CES1: variants seen among roughly 807,000 people sequenced by gnomAD.
CES1 encodes the protein carboxylesterase 1, also known as liver carboxylesterase 1.
A neutral mutation model predicts 53.0 loss-of-function variants in CES1; 50 were observed. That is an observed-to-expected ratio of 0.94 (90% CI 0.75 to 1.19). The LOEUF (loss-of-function observed/expected upper bound fraction) is 1.19. Among genes scored for constraint, CES1 ranks in the 50% most tolerant of loss-of-function variants. The pLI, the probability that CES1 is intolerant of heterozygous loss-of-function variation, is 0.00. For missense variants in CES1, 534 were observed against 538.0 expected (o/e 0.99, Z 0.07); for synonymous variants, 202 against 210.1 (o/e 0.96, Z 0.33).
intron 1 of CES1, 59 bp downstream of exon 1, chr16:55,832,945 C>T (rs1212850651): frequency 2.7e-5 from 38 of 1,398,100 alleles, no homozygotes; most frequent in Middle Eastern, 1.8e-4. Flanking sequence ...CTGCGCCCAC[C>T]TCGGCCCAGA....
At chr16:55,818,267 G>A (rs1473238851) in intron 7 of CES1, among the ~76,000 whole-genome samples, 1 of 152,204 alleles carries the variant, frequency 6.6e-6, no homozygotes, top group East Asian at 1.9e-4. Context: ...AGACTGCCAT[G>A]GCCATCCAAC....
At chr16:55,829,733 C>T (rs1475428237) in intron 1 of CES1, among the ~76,000 whole-genome samples, 1 of 152,222 alleles carries the variant, frequency 6.6e-6, no homozygotes, top group Non-Finnish European at 1.5e-5. Flanking sequence ...CTTGAGTTTT[C>T]TTTAATGGAC....
In CES1 at chr16:55,832,917, CTT is replaced by C. The variant is rs1390373655; in HGVS notation, c.52+85_52+86del. The C allele has an allele frequency of 4.2e-6, 5 of 1,195,626 alleles. No individual in the cohort carries two copies. The Admixed American group carries it at 6.7e-5, about 16-fold the overall frequency. 74.1% of individuals were successfully genotyped at this position (1,195,626 alleles called of 1,614,324 possible). Reference sequence around the variant, plus strand: ...CGCCGCAGAGCCGGACCTGTTGTGTCTTTGCCTTTCTACGCATCTGCGCCCAC... The same window carrying C: ...CGCCGCAGAGCCGGACCTGTTGTGTCTGCCTTTCTACGCATCTGCGCCCAC... On this transcript the variant is annotated intron_variant, in intron 1 of 13. Transcript: ENST00000360526.
chr16:55,818,206 T>C (rs1460924435), intron 7 of CES1, among the ~76,000 whole-genome samples: 1 of 152,206 alleles, frequency 6.6e-6, no homozygotes, highest in African/African-American at 2.4e-5. Flanking sequence ...CCAATGGCCC[T>C]GGGTGCTGTG....
chr16:55,831,647 G>C (rs377008410), intron 1 of CES1, among the ~76,000 whole-genome samples: 9,344 of 136,164 alleles, frequency 0.069, 58 homozygotes, highest in Middle Eastern at 0.14. Flanking sequence ...GAAATGGATG[G>C]CATTGCCAGG....
chr16:55,828,913 G>C lies in CES1; in HGVS notation c.114C>G (p.Phe38Leu). ...GCTGTGCAAATCCTTCTAAGCTGAC[G>C]AACTTCCCCAGCACTTTGCCATGCA... ...DTVHGKVLGKFVSLEGFAQPV... is the reference protein window; with the variant it reads ...DTVHGKVLGKLVSLEGFAQPV... The change falls in exon 2 of 14, where the codon TTC becomes TTG. Residue 38 changes from phenylalanine (F) to leucine (L), a missense_variant. Physicochemically the swap from Phe to Leu is conservative, Grantham distance 22. Around this residue, in one of 5 missense-constraint regions of CES1, gnomAD observed 164 missense variants for 162.4 expected, o/e 1.01. Transcript: ENST00000360526. 1.2e-6 allele frequency: 2 copies of C among 1,614,032 alleles called. No homozygotes were observed. Among genetic ancestry groups the C allele is most frequent in the African/African-American group, 1.3e-5 (1 of 75,080 alleles).
At chr16:55,829,115 T>C in intron 1 of CES1, 141 bp from the exon 2 acceptor site, 1 of 902,696 alleles carries the variant, frequency 1.1e-6, no homozygotes, top group Non-Finnish European at 1.8e-6. Context: ...TGATGTACAA[T>C]AGGGATGACG....
chr16:55,828,004 A>T (rs1567506964), intron 2 of CES1: 1 of 152,628 alleles, frequency 6.6e-6, no homozygotes, highest in East Asian at 1.9e-4. Flanking sequence ...TATATATTAC[A>T]TTTGCACTCA....
chr16:55,826,358 G>T, intron 2 of CES1, 63 bp from the exon 3 acceptor site: 1 of 1,592,548 alleles, frequency 6.3e-7, no homozygotes, highest in Non-Finnish European at 8.6e-7. Flanking sequence ...GTTTTCTACG[G>T]CAGCGCCTTG....
chr16:55,821,432 C>G lies in CES1; in HGVS notation c.629G>C (p.Gly210Ala). The change falls in exon 5 of 14, where the codon GGA becomes GCA. Residue 210 changes from glycine to alanine, a missense_variant. Gly to Ala is a moderately conservative substitution (Grantham distance 60). This residue lies in a region of CES1 where 85 missense variants were observed against 81.9 expected (regional missense o/e 1.04). Coordinates refer to ENST00000360526, the MANE Select transcript of CES1 (RefSeq NM_001025195.2). ...RWVQDNIASF[G>A]GNPGSVTIFG... ...GATGGTCACAGAGCCTGGGTTCCCT[C>G]CAAAGCTGGCAATGTTGTCCTGGAC... is the stretch of plus-strand genomic sequence containing the variant. 6.2e-7 allele frequency: 1 copy of G among 1,614,212 alleles called. No individual in the cohort carries two copies. The highest frequency in any genetic ancestry group is 8.5e-7 in the Non-Finnish European group (1 of 1,180,042).
intron 3 of CES1, among the ~76,000 whole-genome samples, chr16:55,824,294 G>A (rs1313810145): frequency 6.6e-6 from 1 of 152,290 alleles, no homozygotes; most frequent in Non-Finnish European, 1.5e-5. Flanking sequence ...AACTTAGCAT[G>A]TGCCAGGGAC....
At chr16:55,823,795 C>G (rs1254777917) in intron 3 of CES1, 112 bp from the exon 4 acceptor site, 16 of 1,588,968 alleles carry the variant, frequency 1.0e-5, no homozygotes, top group Non-Finnish European at 1.4e-5. Flanking sequence ...AGGATGCTAT[C>G]CAAAGTTCAC....
rs866607568 is a variant in CES1, at chr16:55,831,614, C to T, written c.52+1390G>A. Among the ~76,000 whole-genome samples the T allele has an allele frequency of 5.3e-5, 8 of 150,034 alleles. No individual in the cohort carries two copies. The South Asian group carries it at 1.7e-3, about 32-fold the overall frequency. ...GAGGAAACTGAGGAAGTGGAGGCAG[C>T]CTGTATGGTCTTCCTAAGGAAGGAA... On this transcript the variant is annotated intron_variant, in intron 1 of 13. Transcript: ENST00000360526.
At chr16:55,824,953 T>A (rs2032358993) in intron 3 of CES1, among the ~76,000 whole-genome samples, 2 of 152,178 alleles carry the variant, frequency 1.3e-5, no homozygotes, top group South Asian at 4.1e-4. Context: ...ACAACTCTAA[T>A]CCCTGCCTGC....
chr16:55,824,900 G>T (rs1236192111), intron 3 of CES1, among the ~76,000 whole-genome samples: 1 of 152,088 alleles, frequency 6.6e-6, no homozygotes, highest in Admixed American at 6.6e-5. Flanking sequence ...GCCATTCCTG[G>T]AGGTTCTCCT....
At chr16:55,829,511 C>T (rs201563150) in intron 1 of CES1, among the ~76,000 whole-genome samples, 2,428 of 121,480 alleles carry the variant, frequency 0.02, 15 homozygotes, top group Middle Eastern at 0.026. Context: ...GGACTTGCGG[C>T]AGGGGAGGAC....
chr16:55,813,199 C>T (rs1440833832), intron 8 of CES1, among the ~76,000 whole-genome samples, 156 bp from the exon 9 acceptor site: 2 of 152,180 alleles, frequency 1.3e-5, no homozygotes, highest in African/African-American at 4.8e-5. Context: ...GGGTAGGTCT[C>T]CATGACTCAG....
At position 55,810,953 on chromosome 16, in the gene CES1, G is replaced by T; in HGVS notation, c.1144C>A (p.Leu382Ile). The T allele has an allele frequency of 1.2e-6, 2 of 1,613,800 alleles. No individual in the cohort carries two copies. Among genetic ancestry groups the T allele is most frequent in the Non-Finnish European group, 1.7e-6 (2 of 1,179,892 alleles). ...GQLDQKTAMS[L>I]LWKSYPLVCI... ...ACAAGGGGATAGGACTTCCACAGGA[G>T]TGACATGGCTGTCTTCTGGTCCAGT... The change falls in exon 10 of 14, where the codon CTC becomes ATC. Residue 382 changes from leucine (L) to isoleucine (I), a missense_variant. Physicochemically the swap from Leu to Ile is conservative, Grantham distance 5 (BLOSUM62 2). Coordinates refer to ENST00000360526, the MANE Select transcript of CES1 (RefSeq NM_001025195.2).
intron 9 of CES1, chr16:55,812,274 G>GTGCA (rs1226557015): frequency 6.4e-6 from 1 of 155,478 alleles, no homozygotes; most frequent in Admixed American, 6.2e-5. Context: ...GGGGGTAACT[G>GTGCA]TGCAGGTTTG....
Sources: allele counts gnomAD v4.1 joint callset (sites outside exome capture counted in the v4.1 genomes callset), GRCh38; gene constraint gnomAD v4.1.1; regional missense constraint gnomAD v4.1.1; transcripts MANE v1.5; gene names NCBI Gene and HGNC (gene_info 2026-07-23, HGNC 2026-07-21).